NRP2: variants seen among roughly 807,000 people sequenced by gnomAD.
NRP2 encodes neuropilin 2.
A neutral mutation model predicts 110.4 loss-of-function variants in NRP2; 52 were observed. The observed-to-expected ratio is 0.47, with a 90% CI of 0.38 to 0.59. The LOEUF (loss-of-function observed/expected upper bound fraction) is 0.59, where lower values mean the gene tolerates loss of function less well. NRP2 is among the 20% of genes least tolerant of loss of function. The pLI is 0.00. For synonymous variants in NRP2, 508 were observed against 468.9 expected, an observed-to-expected ratio of 1.08 and a Z score of -1.08; for missense variants, 1,049 against 1,203.0, an observed-to-expected ratio of 0.87 and a Z score of 1.89.
At chr2:205,733,225 C>G (rs2057274600) in intron 7 of NRP2, among the ~76,000 whole-genome samples, 1 of 152,216 alleles carries the variant, frequency 6.6e-6, no homozygotes, top group Non-Finnish European at 1.5e-5. Flanking sequence ...CTCTATCAGG[C>G]TCCCGCGGCC....
intron 4 of NRP2, among the ~76,000 whole-genome samples, chr2:205,723,420 T>C (rs1281612080): frequency 2.6e-5 from 4 of 152,328 alleles, no homozygotes; most frequent in South Asian, 2.1e-4. Flanking sequence ...ACTTGGGTTG[T>C]AGGCCCAGCT....
intron 7 of NRP2, among the ~76,000 whole-genome samples, chr2:205,731,939 T>A (rs1983343): frequency 6.6e-6 from 1 of 152,028 alleles, no homozygotes; most frequent in Non-Finnish European, 1.5e-5. Flanking sequence ...AACTGTGGAA[T>A]TGAAGCTCTT....
intron 7 of NRP2, among the ~76,000 whole-genome samples, chr2:205,735,396 C>CT: frequency 9.0e-6 from 1 of 111,384 alleles, no homozygotes; most frequent in East Asian, 2.8e-4. Context: ...AGAAAATGTT[C>CT]TGAGATGGCC....
intron 7 of NRP2, among the ~76,000 whole-genome samples, chr2:205,739,682 CTT>C (rs3047659): frequency 0.11 from 13,107 of 124,722 alleles, 669 homozygotes; most frequent in East Asian, 0.32. Flanking sequence ...GCTCTAGTTA[CTT>C]TTTTTTTTTT....
chr2:205,736,530 G>A (rs2057346548), intron 7 of NRP2, among the ~76,000 whole-genome samples: 1 of 152,090 alleles, frequency 6.6e-6, no homozygotes, highest in South Asian at 2.1e-4. Context: ...GGGAGTAGTC[G>A]TGGCTTTTGG....
chr2:205,730,058 T>C (rs2057206595), intron 7 of NRP2, among the ~76,000 whole-genome samples: 1 of 152,182 alleles, frequency 6.6e-6, no homozygotes, highest in Admixed American at 6.5e-5. Context: ...TTTGTGTACT[T>C]AGAAGGAGGC....
At chr2:205,746,947 C>T (rs1323943829) in intron 10 of NRP2, among the ~76,000 whole-genome samples, 3 of 152,160 alleles carry the variant, frequency 2.0e-5, no homozygotes, top group African/African-American at 7.2e-5. Context: ...CCAGCGAACA[C>T]ATCTTCATAG....
At position 205,749,714 on chromosome 2, in the gene NRP2, C is replaced by T; in HGVS notation, c.1787-11C>T. The T allele has an allele frequency of 6.2e-7, 1 of 1,608,982 alleles. No homozygotes were observed. The highest frequency in any genetic ancestry group is 8.5e-7 in the Non-Finnish European group (1 of 1,175,308). On this transcript the variant is annotated splice_polypyrimidine_tract_variant and intron_variant, in intron 10 of 16. Coordinates refer to ENST00000357785, the MANE Select transcript of NRP2 (RefSeq NM_003872.3). ...TACAGCATTCTCTTATCTTCCTTTG[C>T]CCTTACACAGACTCCAAGCCCACGG...
intron 15 of NRP2, among the ~76,000 whole-genome samples, chr2:205,775,180 G>A (rs1261462612): frequency 6.6e-6 from 1 of 152,198 alleles, no homozygotes; most frequent in Non-Finnish European, 1.5e-5. Context: ...TAAAGATCAT[G>A]TCTGGTTTTG....
intron 2 of NRP2, among the ~76,000 whole-genome samples, chr2:205,708,139 G>T (rs2056721528): frequency 6.6e-6 from 1 of 152,224 alleles, no homozygotes; most frequent in Non-Finnish European, 1.5e-5. Flanking sequence ...ATTCCAGAAT[G>T]CTACCAAGGG....
intron 1 of NRP2, among the ~76,000 whole-genome samples, chr2:205,696,127 G>T (rs1031120172): frequency 1.3e-5 from 2 of 152,194 alleles, no homozygotes; most frequent in African/African-American, 4.8e-5. Context: ...AAGGCTACTT[G>T]TGTGGATTTG....
rs142148107 is a variant in NRP2 at position 205,753,353 on chromosome 2, T to C, written c.2044+378T>C. Among the ~76,000 whole-genome samples, 176 of 152,336 alleles carry C rather than the reference T, an allele frequency of 1.2e-3. 1 individual carries two copies. Among genetic ancestry groups the C allele is most frequent in the African/African-American group, 4.1e-3 (169 of 41,582 alleles). ...AGCCCCTTGTCAACTTCGAGCTGGG[T>C]ACTGTTCCTAAAATGGCTCATTGGG... On this transcript the variant is annotated intron_variant, in intron 12 of 16. Transcript: ENST00000357785.
chr2:205,765,555 C>T lies in NRP2; in HGVS notation c.2389C>T (p.Leu797=). Residue 797 remains leucine (L), a synonymous_variant, in exon 14 of 17, where the codon CTG becomes TTG. Coordinates refer to ENST00000357785, the MANE Select transcript of NRP2 (RefSeq NM_003872.3). The part of the protein sequence containing the change: ...DDIRISTDVP[L]ENCMEPISAF... Reference sequence around the variant, plus strand: ...CATTCGGATAAGCACTGATGTCCCACTGGAGAACTGCATGGGTATGTGAAT... The same window carrying T: ...CATTCGGATAAGCACTGATGTCCCATTGGAGAACTGCATGGGTATGTGAAT... The T allele has an allele frequency of 3.1e-6, 5 of 1,612,962 alleles. No homozygotes were observed. Among genetic ancestry groups the T allele is most frequent in the Non-Finnish European group, 3.4e-6 (4 of 1,178,932 alleles).
chr2:205,769,167 AG>A (rs2057976453), intron 15 of NRP2, among the ~76,000 whole-genome samples: 1 of 152,184 alleles, frequency 6.6e-6, no homozygotes. Flanking sequence ...CAGAGAAATC[AG>A]GGGGCAGGCA....
chr2:205,768,249 A>G (rs966204863), intron 15 of NRP2: 5 of 152,242 alleles, frequency 3.3e-5, no homozygotes, highest in African/African-American at 9.7e-5. Flanking sequence ...ATGTTAATGT[A>G]AATCCAAAGT....
At chr2:205,687,341 T>C (rs972577798) in intron 1 of NRP2, among the ~76,000 whole-genome samples, 1 of 152,214 alleles carries the variant, frequency 6.6e-6, no homozygotes, top group Admixed American at 6.5e-5. Context: ...CATAATAATT[T>C]GCAAGTAAAC....
intron 2 of NRP2, 195 bp downstream of exon 2, chr2:205,697,916 T>C: frequency 1.5e-6 from 1 of 654,878 alleles, no homozygotes; most frequent in South Asian, 1.7e-5. Context: ...TCCCACAGTA[T>C]GGTGGAAAGA....
intron 1 of NRP2, among the ~76,000 whole-genome samples, chr2:205,696,730 C>T (rs2056435319): frequency 6.6e-6 from 1 of 152,214 alleles, no homozygotes; most frequent in Non-Finnish European, 1.5e-5. Flanking sequence ...AGCAGCAGCA[C>T]ACTCTGGTGG....
chr2:205,730,455 G>A (rs1378806246), intron 7 of NRP2, among the ~76,000 whole-genome samples: 14 of 152,152 alleles, frequency 9.2e-5, no homozygotes, highest in Admixed American at 9.2e-4. Context: ...GCTGCTGGAT[G>A]GTGGGCACTG....
Sources: gnomAD v4.1 joint callset for allele counts (sites outside exome capture counted in the v4.1 genomes callset) on GRCh38, gnomAD v4.1.1 for gene constraint, MANE v1.5 for transcripts, NCBI Gene and HGNC (gene_info 2026-07-23, HGNC 2026-07-21) for gene names.